Variants in RBFOX1 observed in about 807,000 individuals in gnomAD.
RBFOX1 encodes RNA binding protein fox-1 homolog 1.
RBFOX1 carries 8 observed loss-of-function variants against 57.7 expected under a neutral mutation model. The observed-to-expected ratio is 0.14, with a 90% confidence interval of 0.08 to 0.25. The LOEUF (loss-of-function observed/expected upper bound fraction) is 0.25, where lower values mean the gene tolerates loss of function less well. Among genes scored for constraint, RBFOX1 ranks in the 10% least tolerant of loss-of-function variants. RBFOX1 has a pLI of 1.00. For synonymous variants in RBFOX1, 326 were observed against 222.4 expected, an observed-to-expected ratio of 1.47 and a Z score of -4.15; for missense variants, 611 against 548.5, an observed-to-expected ratio of 1.11 and a Z score of -1.14.
At chr16:7,495,020 A>G (rs1424857407) in intron 4 of RBFOX1, among the ~76,000 whole-genome samples, 1 of 151,938 alleles carries the variant, frequency 6.6e-6, no homozygotes, top group Non-Finnish European at 1.5e-5. Context: ...CTTATTTATG[A>G]CCGTGTGTGC....
exon 3 of RBFOX1, chr16:5,599,333 G>C (rs1377055544): frequency 1.6e-6 from 1 of 615,008 alleles, no homozygotes; most frequent in Non-Finnish European, 2.9e-6. Flanking sequence ...ATGTCATTGG[G>C]TTGTCTTCCT....
chr16:5,642,875 G>A (rs1285976144), intron 3 of RBFOX1, among the ~76,000 whole-genome samples: 1 of 152,152 alleles, frequency 6.6e-6, no homozygotes, highest in African/African-American at 2.4e-5. Context: ...CCTAGAGTGA[G>A]GGGGTCTGTA....
At chr16:5,880,670 G>A (rs748359467) in intron 4 of RBFOX1, among the ~76,000 whole-genome samples, 1 of 152,272 alleles carries the variant, frequency 6.6e-6, no homozygotes, top group Non-Finnish European at 1.5e-5. Flanking sequence ...TGGGATTGTG[G>A]ATCCTGCAGA....
At chr16:7,079,574 C>T (rs1018085306) in intron 4 of RBFOX1, among the ~76,000 whole-genome samples, 1 of 152,146 alleles carries the variant, frequency 6.6e-6, no homozygotes, top group African/African-American at 2.4e-5. Flanking sequence ...GTTTCTCTCC[C>T]TCTGTATAAA....
rs1483270966 is a variant in RBFOX1, at chr16:5,856,282, TATAC to T, written c.319-11019_319-11016del. ...ATATGTATATATATATACACATATA[TATAC>T]ACACACACACACACACACACACACA... On this transcript the variant is annotated intron_variant, in intron 3 of 19. Coordinates refer to the RBFOX1 transcript ENST00000641259. 1.3e-3 allele frequency among the ~76,000 whole-genome samples: 38 copies of T among 29,978 alleles called. 3 individuals are homozygous for T. Among genetic ancestry groups the T allele is most frequent in the African/African-American group, 3.1e-3 (31 of 9,946 alleles). 19.7% of individuals were successfully genotyped at this position (29,978 alleles called of 152,430 possible). A position where few individuals can be genotyped will look rare whatever the true frequency, so the allele number is the denominator to read the frequency against.
chr16:6,686,988 AC>A (rs2059528692), intron 3 of RBFOX1, among the ~76,000 whole-genome samples: 1 of 152,206 alleles, frequency 6.6e-6, no homozygotes, highest in Admixed American at 6.5e-5. Context: ...TATATAACAA[AC>A]CAATAATATG....
intron 3 of RBFOX1, among the ~76,000 whole-genome samples, chr16:6,955,386 A>G (rs1215982052): frequency 2.0e-5 from 3 of 152,042 alleles, no homozygotes; most frequent in Non-Finnish European, 4.4e-5. Context: ...GCACATACAC[A>G]CACTCAAAAC....
chr16:7,537,889 C>A (rs749346603), intron 5 of RBFOX1, among the ~76,000 whole-genome samples: 1 of 152,146 alleles, frequency 6.6e-6, no homozygotes, highest in African/African-American at 2.4e-5. Context: ...AGGGGAAATC[C>A]GTGGTATTTT....
At chr16:7,182,356 C>T (rs556778768) in intron 4 of RBFOX1, among the ~76,000 whole-genome samples, 10 of 152,180 alleles carry the variant, frequency 6.6e-5, no homozygotes, top group Admixed American at 6.5e-4. Flanking sequence ...ATCTTCCATT[C>T]TTCCTGAAGC....
At chr16:5,489,733 A>G (rs1486623310) in intron 2 of RBFOX1, among the ~76,000 whole-genome samples, 1 of 152,162 alleles carries the variant, frequency 6.6e-6, no homozygotes, top group Non-Finnish European at 1.5e-5. Context: ...AGTCCTAAAG[A>G]TGGATGATTT....
rs7194771 is a variant in RBFOX1 at position 5,672,681 on chromosome 16, C to G, written c.318+73720C>G. On this transcript the variant is annotated intron_variant, in intron 3 of 19. Coordinates refer to the RBFOX1 transcript ENST00000641259. ...TCTCTGATTTTTTTTCTTTTATAAC[C>G]ACCACCTCCATTAGCTGGAGATAAT... 1.4e-3 allele frequency among the ~76,000 whole-genome samples: 212 copies of G among 151,786 alleles called. 1 individual carries two copies. Among genetic ancestry groups the G allele is most frequent in the African/African-American group, 4.8e-3 (198 of 41,440 alleles).
chr16:7,503,219 G>C (rs1195917211), intron 4 of RBFOX1, among the ~76,000 whole-genome samples: 3 of 152,084 alleles, frequency 2.0e-5, no homozygotes. Flanking sequence ...TCCAAATCTA[G>C]CAAGAGATCC....
intron 4 of RBFOX1, among the ~76,000 whole-genome samples, chr16:7,173,008 C>T (rs900621730): frequency 1.5e-4 from 23 of 152,186 alleles, no homozygotes; most frequent in East Asian, 5.8e-4. Flanking sequence ...AAAACTACCA[C>T]GTGTGTATTT....
intron 1 of RBFOX1, among the ~76,000 whole-genome samples, chr16:5,405,331 G>A (rs2066835504): frequency 6.6e-6 from 1 of 152,190 alleles, no homozygotes. Flanking sequence ...ATGGGACTGG[G>A]TCTTTCTCAT....
At chr16:6,102,433 T>G (rs1354379751) in intron 1 of RBFOX1, among the ~76,000 whole-genome samples, 1 of 152,144 alleles carries the variant, frequency 6.6e-6, no homozygotes, top group Non-Finnish European at 1.5e-5. Context: ...CTTACAACGG[T>G]GTCATTTGCA....
chr16:5,693,430 G>C (rs12920094), intron 3 of RBFOX1, among the ~76,000 whole-genome samples: 1 of 150,668 alleles, frequency 6.6e-6, no homozygotes, highest in African/African-American at 2.4e-5. Context: ...GGATACGCCT[G>C]AGTAGGGCAA....
chr16:5,945,058 G>A (rs1461710577), intron 4 of RBFOX1, among the ~76,000 whole-genome samples: 1 of 151,746 alleles, frequency 6.6e-6, no homozygotes, highest in Non-Finnish European at 1.5e-5. Context: ...TCTGGAGGGA[G>A]ACTGGAGCTC....
chr16:7,428,474 C>G (rs1047130656), intron 4 of RBFOX1, among the ~76,000 whole-genome samples: 2 of 146,968 alleles, frequency 1.4e-5, no homozygotes, highest in Non-Finnish European at 1.5e-5. Context: ...TTACAGGCAT[C>G]CACTACCACT....
intron 14 of RBFOX1, among the ~76,000 whole-genome samples, chr16:7,696,313 G>A (rs1442839328): frequency 6.6e-6 from 1 of 152,120 alleles, no homozygotes; most frequent in Admixed American, 6.6e-5. Context: ...CATCCAGCTT[G>A]GACAACTGAG....
Sources: gnomAD v4.1 joint callset for allele counts (sites outside exome capture counted in the v4.1 genomes callset) on GRCh38, gnomAD v4.1.1 for gene constraint, MANE v1.5 for transcripts, NCBI Gene and HGNC (gene_info 2026-07-23, HGNC 2026-07-21) for gene names.